NPM1: variants seen among roughly 807,000 people sequenced by gnomAD.
NPM1 encodes the protein nucleophosmin 1, also known as nucleophosmin.
NPM1 carries 1 observed loss-of-function variant against 44.1 expected under a neutral mutation model. The observed-to-expected ratio is 0.02, with a 90% CI of 0.01 to 0.11. The LOEUF (loss-of-function observed/expected upper bound fraction) is 0.11. NPM1 is among the 10% of genes least tolerant of loss of function. The pLI is 1.00. For missense variants in NPM1, 197 were observed against 347.8 expected (o/e 0.57, Z 3.45); for synonymous variants, 126 against 111.8 (o/e 1.13, Z -0.80).
intron 8 of NPM1, among the ~76,000 whole-genome samples, chr5:171,403,389 G>A (rs1441822456): frequency 9.6e-6 from 1 of 104,588 alleles, no homozygotes; most frequent in Non-Finnish European, 2.1e-5. Flanking sequence ...AAAATGAAAA[G>A]TCTCCCATGT....
At chr5:171,405,437 C>A in intron 9 of NPM1, 34 bp downstream of exon 9, 1 of 973,214 alleles carries the variant, frequency 1.0e-6, no homozygotes, top group East Asian at 2.5e-5. Context: ...ACTTTGTCTC[C>A]CCCCTCAAAT....
intron 8 of NPM1, among the ~76,000 whole-genome samples, chr5:171,401,928 A>G (rs1057324832): frequency 2.0e-5 from 3 of 152,024 alleles, no homozygotes; most frequent in African/African-American, 4.8e-5. Flanking sequence ...AAGGAAAAAA[A>G]GTTTAAAGGA....
In NPM1 at chr5:171,391,287, T is replaced by G. The variant is rs908483380; in HGVS notation, c.139-18T>G. ...GTGGAACTCAAAAGTTGAAGTAGTA[T>G]TTTTTTTTTGTTCACAGGTCAGTTT... On this transcript the variant is annotated intron_variant, in intron 2 of 10. Coordinates refer to ENST00000296930, the MANE Select transcript of NPM1 (RefSeq NM_002520.7). 3 of 1,276,260 alleles carry G rather than the reference T, an allele frequency of 2.4e-6. No homozygotes were observed. Among genetic ancestry groups the G allele is most frequent in the Admixed American group, 2.3e-5 (1 of 44,444 alleles). 79.1% of individuals were successfully genotyped at this position (1,276,260 alleles called of 1,614,324 possible).
chr5:171,393,954 AAAAT>A, intron 6 of NPM1, among the ~76,000 whole-genome samples: 1 of 152,318 alleles, frequency 6.6e-6, no homozygotes, highest in South Asian at 2.1e-4. Context: ...TCTCAAAAGA[AAAAT>A]AAAAATTCAA....
At chr5:171,405,158 G>C (rs906019309) in intron 8 of NPM1, 144 bp from the exon 9 acceptor site, 4 of 603,838 alleles carry the variant, frequency 6.6e-6, no homozygotes, top group Admixed American at 6.4e-5. Flanking sequence ...TATATGGCGT[G>C]AATTTATTGA....
intron 6 of NPM1, among the ~76,000 whole-genome samples, chr5:171,395,645 A>G (rs1770842865): frequency 6.6e-6 from 1 of 152,210 alleles, no homozygotes; most frequent in Non-Finnish European, 1.5e-5. Flanking sequence ...AACAAATATT[A>G]ATAGAAACTT....
At position 171,387,960 on chromosome 5, in the gene NPM1, G is replaced by C. The variant is rs368150213; in HGVS notation, c.12G>C (p.Ser4=). The change falls in exon 1 of 11, where the codon TCG becomes TCC. Residue 4 remains serine, a synonymous_variant. Transcript: ENST00000296930. MED[S]MDMDMSPLRP... ...CGTGCCGCCACCCGATGGAAGATTCGATGGACATGGACATGAGCCCCCTGA... is the reference window on the plus strand; with the variant it reads ...CGTGCCGCCACCCGATGGAAGATTCCATGGACATGGACATGAGCCCCCTGA... The C allele has an allele frequency of 6.2e-7, 1 of 1,611,772 alleles. No individual in the cohort carries two copies. The highest frequency in any genetic ancestry group is 8.5e-7 in the Non-Finnish European group (1 of 1,179,530).
At chr5:171,393,093 G>A (rs910953210) in intron 6 of NPM1, 115 bp downstream of exon 6, 3 of 1,349,586 alleles carry the variant, frequency 2.2e-6, no homozygotes, top group Non-Finnish European at 3.0e-6. Context: ...GCCATCCTAT[G>A]TAATAGTTTA....
chr5:171,393,819 G>A (rs1014413878), intron 6 of NPM1, among the ~76,000 whole-genome samples: 2 of 152,100 alleles, frequency 1.3e-5, no homozygotes, highest in African/African-American at 2.4e-5. Context: ...GAAAAAGGCC[G>A]AAAGAGCCGA....
intron 9 of NPM1, among the ~76,000 whole-genome samples, chr5:171,407,285 G>GT (rs759542859): frequency 2.0e-5 from 3 of 152,136 alleles, no homozygotes; most frequent in Non-Finnish European, 4.4e-5. Context: ...GTTTTGTGGG[G>GT]TTTTGTTTGT....
intron 1 of NPM1, among the ~76,000 whole-genome samples, chr5:171,388,951 C>G (rs1425325745): frequency 6.6e-6 from 1 of 152,218 alleles, no homozygotes; most frequent in Non-Finnish European, 1.5e-5. Flanking sequence ...ATTAATGAGG[C>G]TTCGTTTTAG....
chr5:171,400,358 T>A lies in NPM1; in HGVS notation c.582+148T>A, dbSNP rs374508893. The A allele has an allele frequency of 3.7e-5, 33 of 896,498 alleles. No individual in the cohort carries two copies. In the East Asian group the frequency reaches 8.8e-4, roughly 24 times the overall value. 55.5% of individuals were successfully genotyped at this position (896,498 alleles called of 1,614,324 possible). Reference sequence around the variant, plus strand: ...AGTCCTGAGGAGGATTACAGAAAACTTAAGAGTGGGGAATGGTCTGTTTTC... The same window carrying A: ...AGTCCTGAGGAGGATTACAGAAAACATAAGAGTGGGGAATGGTCTGTTTTC... On this transcript the variant is annotated intron_variant, in intron 7 of 10. Transcript: ENST00000296930.
chr5:171,391,891 C>T (rs1277528215), intron 4 of NPM1, 92 bp downstream of exon 4: 5 of 687,550 alleles, frequency 7.3e-6, no homozygotes, highest in South Asian at 1.8e-5. Flanking sequence ...GGGTATAGTA[C>T]TACTGTCTTT....
chr5:171,408,900 G>A (rs1466146886), intron 10 of NPM1, among the ~76,000 whole-genome samples: 1 of 152,162 alleles, frequency 6.6e-6, no homozygotes, highest in Admixed American at 6.5e-5. Flanking sequence ...TGATTAAGTT[G>A]CAGTAGTCTT....
At chr5:171,388,040 C>A in intron 1 of NPM1, 34 bp downstream of exon 1, 2 of 767,724 alleles carry the variant, frequency 2.6e-6, no homozygotes, top group South Asian at 1.3e-5. Flanking sequence ...CGAGGCCGAG[C>A]GGGGCCTGGT....
intron 6 of NPM1, among the ~76,000 whole-genome samples, chr5:171,394,412 G>A (rs567448594): frequency 1.7e-4 from 26 of 152,180 alleles, no homozygotes; most frequent in Admixed American, 1.4e-3. Context: ...AACCTCGGGC[G>A]ATCTGGTCAC....
intron 6 of NPM1, among the ~76,000 whole-genome samples, chr5:171,396,893 A>C (rs1770921760): frequency 6.6e-6 from 1 of 152,096 alleles, no homozygotes; most frequent in African/African-American, 2.4e-5. Context: ...GAATTGCTTG[A>C]ACCCGGGAGG....
At chr5:171,390,677 A>G (rs1770526168) in intron 2 of NPM1, among the ~76,000 whole-genome samples, 1 of 152,070 alleles carries the variant, frequency 6.6e-6, no homozygotes, top group African/African-American at 2.4e-5. Flanking sequence ...TCGCATATAC[A>G]ATGGTGGTCC....
chr5:171,395,712 G>C (rs1040935328), intron 6 of NPM1, among the ~76,000 whole-genome samples: 1 of 152,164 alleles, frequency 6.6e-6, no homozygotes, highest in African/African-American at 2.4e-5. Context: ...ATGCAAAGAG[G>C]TGCATGAAGG....
Sources: allele counts gnomAD v4.1 joint callset (sites outside exome capture counted in the v4.1 genomes callset), GRCh38; gene constraint gnomAD v4.1.1; transcripts MANE v1.5; gene names NCBI Gene and HGNC (gene_info 2026-07-23, HGNC 2026-07-21).